The following ZNF461 variants were observed in gnomAD, a reference collection of about 807,000 sequenced individuals.
ZNF461 encodes the protein zinc finger protein 461.
ZNF461 carries 16 observed loss-of-function variants against 18.3 expected under a neutral mutation model. That is an observed-to-expected ratio of 0.88 (90% CI 0.59 to 1.33). The LOEUF (loss-of-function observed/expected upper bound fraction) is 1.33. Ranked by LOEUF, ZNF461 falls within the 40% of genes most tolerant of loss-of-function variation. The pLI is 0.00. For synonymous variants in ZNF461, 179 were observed against 216.9 expected (o/e 0.83, Z 1.54); for missense variants, 595 against 669.9 (o/e 0.89, Z 1.23).
chr19:36,640,386 A>G (rs892753188), intron 5 of ZNF461, among the ~76,000 whole-genome samples: 8 of 152,240 alleles, frequency 5.3e-5, no homozygotes, highest in African/African-American at 1.7e-4. Flanking sequence ...TATGTTTAAC[A>G]CTATCAGGCC....
Position 36,637,989 on chromosome 19 carries a change from G to A in ZNF461, c.*664C>T, listed in dbSNP as rs1221047354. On this transcript the variant is annotated 3_prime_UTR_variant, in exon 6 of 6. Transcript: ENST00000588268. Reference sequence around the variant, plus strand: ...ATAAATGTAATGTCAAAATATATACGCCAGATACTCTTTAATCCCACTGTT... The same window carrying A: ...ATAAATGTAATGTCAAAATATATACACCAGATACTCTTTAATCCCACTGTT... 5 of 268,636 alleles carry A rather than the reference G, an allele frequency of 1.9e-5. No homozygotes were observed. The highest frequency in any genetic ancestry group is 3.7e-5 in the Non-Finnish European group (5 of 136,028). 16.6% of individuals were successfully genotyped at this position (268,636 alleles called of 1,614,324 possible).
chr19:36,656,743 A>T (rs907090806), intron 3 of ZNF461, among the ~76,000 whole-genome samples, 200 bp from the exon 4 acceptor site: 1 of 152,220 alleles, frequency 6.6e-6, no homozygotes, highest in Admixed American at 6.5e-5. Context: ...CAAACAGGCG[A>T]TAAAATAGTA....
At chr19:36,650,135 T>A (rs1372301370) in intron 4 of ZNF461, among the ~76,000 whole-genome samples, 1 of 152,162 alleles carries the variant, frequency 6.6e-6, no homozygotes, top group Non-Finnish European at 1.5e-5. Context: ...AGATTGCTAC[T>A]GCACTTCAGC....
chr19:36,656,359 C>T (rs761490258), intron 4 of ZNF461, 89 bp downstream of exon 4: 141 of 1,053,384 alleles, frequency 1.3e-4, no homozygotes, highest in Non-Finnish European at 3.3e-5. Flanking sequence ...CAGGTTTTCC[C>T]AAAGTTTGGT....
At chr19:36,658,462 T>A in intron 2 of ZNF461, 37 bp from the exon 3 acceptor site, 1 of 1,545,680 alleles carries the variant, frequency 6.5e-7, no homozygotes, top group Non-Finnish European at 8.7e-7. Flanking sequence ...TTTGAAATTA[T>A]AAGAAATGTT....
intron 4 of ZNF461, among the ~76,000 whole-genome samples, chr19:36,648,769 C>T (rs1391142035): frequency 2.0e-5 from 3 of 151,964 alleles, no homozygotes; most frequent in East Asian, 1.9e-4. Flanking sequence ...TTGGTAGAGA[C>T]GGGGTTTCGC....
In ZNF461 at chr19:36,658,404, C is replaced by T; in HGVS notation, c.31G>A (p.Val11Met). The part of the protein sequence containing the change: MAHELVMFRD[V>M]AIDVSQEEWE... ...TCCTCCTGAGAGACATCTATAGCCACATCTCTGAACATCACCAACTCCTAA... is the reference window on the plus strand; with the variant it reads ...TCCTCCTGAGAGACATCTATAGCCATATCTCTGAACATCACCAACTCCTAA... The change falls in exon 3 of 6, where the codon GTG (valine) becomes ATG (methionine). Residue 11 changes from valine to methionine, a missense_variant. By Grantham distance (21) the Val-to-Met change is conservative. Coordinates refer to ENST00000588268, the MANE Select transcript of ZNF461 (RefSeq NM_153257.5). The T allele has an allele frequency of 6.2e-7, 1 of 1,609,650 alleles. No individual in the cohort carries two copies. Among genetic ancestry groups the T allele is most frequent in the South Asian group, 1.1e-5 (1 of 90,014 alleles).
Position 36,639,059 on chromosome 19 carries a change from G to A in ZNF461, c.1286C>T (p.Thr429Ile). 2 of 1,613,570 alleles carry A rather than the reference G, an allele frequency of 1.2e-6. No homozygotes were observed. The highest frequency in any genetic ancestry group is 1.1e-5 in the South Asian group (1 of 91,058). ...ACCAGTATGAATCCTCTGATGTAGG[G>A]TTAGTTGTAAGCCATCACAAAAAGC... is the stretch of plus-strand genomic sequence containing the variant. ...GKAFCDGLQL[T>I]LHQRIHTGEK... is the part of the protein sequence containing the mutation. Residue 429 changes from threonine to isoleucine, a missense_variant, in exon 6 of 6, where the codon ACC (threonine) becomes ATC (isoleucine). Coordinates refer to ENST00000588268, the MANE Select transcript of ZNF461 (RefSeq NM_153257.5).
At chr19:36,661,465 C>T (rs900611561) in intron 2 of ZNF461, among the ~76,000 whole-genome samples, 6 of 150,738 alleles carry the variant, frequency 4.0e-5, no homozygotes, top group South Asian at 4.2e-4. Flanking sequence ...TAATCCAAGA[C>T]GAGGTAGGAA....
intron 4 of ZNF461, among the ~76,000 whole-genome samples, chr19:36,650,523 T>C (rs1039814688): frequency 6.6e-6 from 1 of 152,100 alleles, no homozygotes; most frequent in Non-Finnish European, 1.5e-5. Context: ...TCATGTGATG[T>C]TTTACACAAC....
Position 36,637,177 on chromosome 19 carries a change from G to A in ZNF461, c.*1476C>T, listed in dbSNP as rs1160646599. Reference sequence around the variant, plus strand: ...GAATGCATGTTAACATTATCTATTGGTTGTGTTTTGACAATTTTCTTTTTT... The same window carrying A: ...GAATGCATGTTAACATTATCTATTGATTGTGTTTTGACAATTTTCTTTTTT... On this transcript the variant is annotated 3_prime_UTR_variant, in exon 6 of 6. Transcript: ENST00000588268. The A allele has an allele frequency of 6.6e-6, 1 of 151,794 alleles. No individual in the cohort carries two copies. Among genetic ancestry groups the A allele is most frequent in the Non-Finnish European group, 1.5e-5 (1 of 67,960 alleles). The allele number at this position is 151,794 out of a possible 1,614,324, so 9.4% of individuals were successfully genotyped here.
At chr19:36,642,334 A>C (rs1172521651) in intron 5 of ZNF461, among the ~76,000 whole-genome samples, 1 of 152,132 alleles carries the variant, frequency 6.6e-6, no homozygotes, top group Non-Finnish European at 1.5e-5. Context: ...GTCAGGCTGG[A>C]TCATTCCAAT....
chr19:36,666,092 TTTG>T (rs1053015737), intron 1 of ZNF461, among the ~76,000 whole-genome samples: 4 of 142,474 alleles, frequency 2.8e-5, no homozygotes, highest in Non-Finnish European at 4.7e-5. Context: ...TGAATGTTTT[TTTG>T]TTTTTTTTTT....
intron 2 of ZNF461, among the ~76,000 whole-genome samples, chr19:36,660,310 C>T (rs1304747061): frequency 3.3e-5 from 5 of 151,840 alleles, no homozygotes; most frequent in South Asian, 2.1e-4. Flanking sequence ...CCACCGCACC[C>T]GGCTAGTTTT....
In ZNF461 at chr19:36,657,342, G is replaced by C. The variant is rs1237284449; in HGVS notation, c.137-799C>G. Among the ~76,000 whole-genome samples, 4 of 151,822 alleles carry C rather than the reference G, an allele frequency of 2.6e-5. No individual in the cohort carries two copies. In the East Asian group the frequency reaches 5.9e-4, roughly 22 times the overall value. Reference sequence around the variant, plus strand: ...CTAAAAATACAAAAATTAGCTGGGCGTGGTGGCGGGCACCTGTAATCCCAG... The same window carrying C: ...CTAAAAATACAAAAATTAGCTGGGCCTGGTGGCGGGCACCTGTAATCCCAG... On this transcript the variant is annotated intron_variant, in intron 3 of 5. Transcript: ENST00000588268.
At position 36,639,634 on chromosome 19, in the gene ZNF461, CTGT is replaced by C; in HGVS notation, c.708_710del (p.Gln237del). ...TGCATTTGTCACCATTTTGAATTGT[CTGT>C]TGTTTAAAAAGGCATGGTGTATTAA... On this transcript the variant is annotated inframe_deletion, in exon 6 of 6. Transcript: ENST00000588268. The C allele has an allele frequency of 6.2e-7, 1 of 1,613,660 alleles. No individual in the cohort carries two copies. Among genetic ancestry groups the C allele is most frequent in the Non-Finnish European group, 8.5e-7 (1 of 1,179,724 alleles).
chr19:36,642,348 T>C (rs1027964638), intron 5 of ZNF461, among the ~76,000 whole-genome samples: 1 of 152,172 alleles, frequency 6.6e-6, no homozygotes, highest in Non-Finnish European at 1.5e-5. Context: ...TTCCAATGGC[T>C]TCCTCCACCC....
intron 5 of ZNF461, chr19:36,643,295 C>T (rs1351991894): frequency 6.6e-6 from 1 of 152,200 alleles, no homozygotes; most frequent in Non-Finnish European, 1.5e-5. Flanking sequence ...AGGCGATATC[C>T]TGCCTTCTTA....
intron 2 of ZNF461, 150 bp downstream of exon 2, chr19:36,664,547 CA>C: frequency 1.8e-6 from 1 of 546,854 alleles, no homozygotes; most frequent in South Asian, 3.7e-5. Context: ...AAGTTCGCAC[CA>C]CTGCACTCTA....
Sources: gnomAD v4.1 joint callset for allele counts (sites outside exome capture counted in the v4.1 genomes callset) on GRCh38, gnomAD v4.1.1 for gene constraint, MANE v1.5 for transcripts, NCBI Gene and HGNC (gene_info 2026-07-23, HGNC 2026-07-21) for gene names.